MECOM: variants seen among roughly 807,000 people sequenced by gnomAD.
MECOM encodes MDS1 and EVI1 complex locus.
In MECOM, 13 loss-of-function variants were observed where a neutral mutation model predicts 116.3. That is an observed-to-expected ratio of 0.11 (90% CI 0.07 to 0.18). The LOEUF is 0.18. MECOM is among the 10% of genes least tolerant of loss of function. MECOM has a pLI of 1.00. For missense variants in MECOM, 1,299 were observed against 1,509.0 expected, an observed-to-expected ratio of 0.86 and a Z score of 2.31; for synonymous variants, 528 against 535.2, an observed-to-expected ratio of 0.99 and a Z score of 0.19.
intron 1 of MECOM, among the ~76,000 whole-genome samples, chr3:169,591,524 T>C (rs1204711572): frequency 6.6e-6 from 1 of 152,216 alleles, no homozygotes; most frequent in Non-Finnish European, 1.5e-5. Flanking sequence ...TTTTGCTCCA[T>C]GTTACACACC....
At chr3:169,130,859 C>CTG (rs1734467328) in intron 4 of MECOM, among the ~76,000 whole-genome samples, 1 of 152,172 alleles carries the variant, frequency 6.6e-6, no homozygotes, top group East Asian at 1.9e-4. Flanking sequence ...CTGACCTAAA[C>CTG]ATGTATCACT....
intron 2 of MECOM, among the ~76,000 whole-genome samples, chr3:169,342,080 T>C (rs779222764): frequency 6.6e-6 from 1 of 152,096 alleles, no homozygotes; most frequent in Non-Finnish European, 1.5e-5. Flanking sequence ...ATAAGTATGT[T>C]CTGTATATAC....
intron 1 of MECOM, among the ~76,000 whole-genome samples, chr3:169,566,605 A>G (rs1763274644): frequency 6.6e-6 from 1 of 152,158 alleles, no homozygotes; most frequent in Non-Finnish European, 1.5e-5. Context: ...GGAACTTAAT[A>G]ACCTGTCCAA....
At chr3:169,603,818 A>G (rs922610630) in intron 1 of MECOM, among the ~76,000 whole-genome samples, 8 of 152,294 alleles carry the variant, frequency 5.3e-5, no homozygotes, top group Non-Finnish European at 1.2e-4. Flanking sequence ...GTCTAATGCC[A>G]CGTTTCTCAG....
At chr3:169,647,420 C>T (rs1774322509) in intron 1 of MECOM, among the ~76,000 whole-genome samples, 1 of 152,126 alleles carries the variant, frequency 6.6e-6, no homozygotes. Context: ...GACATTCAGG[C>T]ACAGAGAAGT....
At chr3:169,090,726 T>C (rs548194511) in intron 14 of MECOM, among the ~76,000 whole-genome samples, 1 of 151,940 alleles carries the variant, frequency 6.6e-6, no homozygotes, top group South Asian at 2.1e-4. Flanking sequence ...AAGAAACAAC[T>C]GGTATTTACT....
intron 2 of MECOM, among the ~76,000 whole-genome samples, chr3:169,264,287 G>A (rs1461296796): frequency 7.9e-5 from 12 of 152,144 alleles, no homozygotes; most frequent in Admixed American, 7.9e-4. Flanking sequence ...CTTGGCTGAT[G>A]GGAGGCTGAG....
chr3:169,148,018 TA>T (rs199916590), intron 2 of MECOM, among the ~76,000 whole-genome samples: 11 of 152,142 alleles, frequency 7.2e-5, no homozygotes, highest in South Asian at 4.2e-4. Flanking sequence ...TGCTAAGCAT[TA>T]AAAAAAATTT....
At chr3:169,147,716 G>C in intron 2 of MECOM, 9 of 705,086 alleles carry the variant, frequency 1.3e-5, no homozygotes, top group Non-Finnish European at 1.5e-5. Flanking sequence ...CACAAGTGTG[G>C]TGTGTGTGTG....
intron 2 of MECOM, among the ~76,000 whole-genome samples, chr3:169,245,008 A>T (rs770416749): frequency 6.6e-6 from 1 of 152,238 alleles, no homozygotes; most frequent in Non-Finnish European, 1.5e-5. Context: ...CTTTAAAAAT[A>T]GATATAGTAA....
chr3:169,492,495 C>G (rs1039912973), intron 1 of MECOM, among the ~76,000 whole-genome samples: 1 of 151,964 alleles, frequency 6.6e-6, no homozygotes, highest in Non-Finnish European at 1.5e-5. Context: ...ATATTTTCAA[C>G]CTAAGTAGGA....
chr3:169,160,007 T>C (rs1656002307), intron 2 of MECOM, among the ~76,000 whole-genome samples: 1 of 152,236 alleles, frequency 6.6e-6, no homozygotes, highest in African/African-American at 2.4e-5. Context: ...CTCAATAAAA[T>C]CGTTGGTACT....
intron 2 of MECOM, among the ~76,000 whole-genome samples, chr3:169,358,109 AT>A (rs1326076882): frequency 6.6e-6 from 1 of 151,768 alleles, no homozygotes; most frequent in African/African-American, 2.4e-5. Context: ...GCACTGGCAA[AT>A]CCACTACTGC....
At chr3:169,178,770 C>T (rs936191295) in intron 2 of MECOM, among the ~76,000 whole-genome samples, 1 of 152,092 alleles carries the variant, frequency 6.6e-6, no homozygotes, top group Admixed American at 6.5e-5. Flanking sequence ...GCTAGATATC[C>T]AACATCCAAT....
intron 1 of MECOM, among the ~76,000 whole-genome samples, chr3:169,462,578 T>A (rs898344770): frequency 5.3e-5 from 8 of 152,218 alleles, no homozygotes; most frequent in Non-Finnish European, 1.0e-4. Context: ...GTTAATTTTC[T>A]ATTTAGCTTA....
intron 1 of MECOM, among the ~76,000 whole-genome samples, chr3:169,441,250 G>A (rs188587893): frequency 1.6e-3 from 248 of 152,134 alleles, no homozygotes; most frequent in African/African-American, 5.8e-3. Flanking sequence ...CTAAAGCAGC[G>A]CAACCAAGAT....
chr3:169,605,900 T>C (rs573948640), intron 1 of MECOM, among the ~76,000 whole-genome samples: 6 of 152,272 alleles, frequency 3.9e-5, no homozygotes, highest in African/African-American at 1.2e-4. Context: ...GTGAAGTTTA[T>C]TTATACCTCT....
chr3:169,663,584 G>C lies in MECOM; in HGVS notation c.-212C>G, dbSNP rs1776625652. ...TCTCTCTTCCACACACTCACTCTCT[G>C]TATTTTCTTCTTTCACTCTCTCTCC... On this transcript the variant is annotated 5_prime_UTR_variant, in exon 1 of 17. Coordinates refer to ENST00000651503, the MANE Select transcript of MECOM (RefSeq NM_004991.4). 1 of 559,100 alleles carries C rather than the reference G, an allele frequency of 1.8e-6. No homozygotes were observed. The highest frequency in any genetic ancestry group is 3.1e-6 in the Non-Finnish European group (1 of 320,718). 34.6% of individuals were successfully genotyped at this position (559,100 alleles called of 1,614,324 possible).
At chr3:169,189,049 T>C (rs1747159808) in intron 2 of MECOM, among the ~76,000 whole-genome samples, 1 of 152,098 alleles carries the variant, frequency 6.6e-6, no homozygotes, top group African/African-American at 2.4e-5. Flanking sequence ...CAAAGAAATA[T>C]GTTCATTTTT....
Sources: gnomAD v4.1 joint callset for allele counts (sites outside exome capture counted in the v4.1 genomes callset) on GRCh38, gnomAD v4.1.1 for gene constraint, MANE v1.5 for transcripts, NCBI Gene and HGNC (gene_info 2026-07-23, HGNC 2026-07-21) for gene names.